The following SNED1 variants were observed in gnomAD, a reference collection of about 807,000 sequenced individuals.
SNED1 encodes sushi, nidogen and EGF-like domain-containing protein 1.
Under a neutral mutation model 166.7 loss-of-function variants are expected in SNED1, and 81 were observed. The ratio of observed to expected loss-of-function variants is 0.49; its 90% CI spans 0.41 to 0.58. The LOEUF (loss-of-function observed/expected upper bound fraction) is 0.58, where lower values mean the gene tolerates loss of function less well. Ranked by LOEUF, SNED1 falls within the 20% of genes least tolerant of loss-of-function variation. The pLI, the probability that SNED1 is intolerant of heterozygous loss-of-function variation, is 0.00. For missense variants in SNED1, 1,604 were observed against 2,000.2 expected, an observed-to-expected ratio of 0.80 and a Z score of 3.78; for synonymous variants, 762 against 822.0, an observed-to-expected ratio of 0.93 and a Z score of 1.25.
chr2:241,047,146 CAAAAAAAA>C (rs59981303), intron 8 of SNED1, among the ~76,000 whole-genome samples: 9 of 68,176 alleles, frequency 1.3e-4, no homozygotes, highest in Non-Finnish European at 2.4e-4. Context: ...GAGACTCTGT[CAAAAAAAA>C]AAAAAAAAAA....
At chr2:241,045,548 TGATA>T (rs768024782) in intron 8 of SNED1, among the ~76,000 whole-genome samples, 96 of 151,960 alleles carry the variant, frequency 6.3e-4, no homozygotes, top group Non-Finnish European at 1.1e-3. Context: ...AATGGAGAAA[TGATA>T]ATCTTTTCAA....
At chr2:241,057,414 C>T (rs1189213014) in intron 16 of SNED1, among the ~76,000 whole-genome samples, 1 of 100,544 alleles carries the variant, frequency 9.9e-6, no homozygotes, top group Non-Finnish European at 1.8e-5. Context: ...TATATATATG[C>T]CATACGCAGT....
intron 1 of SNED1, among the ~76,000 whole-genome samples, chr2:241,012,936 C>A (rs1416094116): frequency 6.6e-6 from 1 of 151,452 alleles, no homozygotes; most frequent in Non-Finnish European, 1.5e-5. Context: ...CCTGGGTTCA[C>A]GCCATCCTCC....
chr2:241,084,867 T>G (rs1559313599), intron 29 of SNED1, among the ~76,000 whole-genome samples: 1 of 152,194 alleles, frequency 6.6e-6, no homozygotes, highest in African/African-American at 2.4e-5. Context: ...TCACCTTCAT[T>G]TTTGAAGAAT....
At position 241,094,487 on chromosome 2, in the gene SNED1, A is replaced by G. The variant is rs1027829391; in HGVS notation, c.*2851A>G. On this transcript the variant is annotated 3_prime_UTR_variant, in exon 32 of 32. Coordinates refer to ENST00000310397, the MANE Select transcript of SNED1 (RefSeq NM_001080437.3). This position sits in a 1 kb window ranked among gnomAD's most constrained non-coding sequence, Gnocchi z 4.3. ...GTGCTGAATCCCCACAATTGCATGCAGCTCACACCTACCAGGGGTATTCCA... is the reference window on the plus strand; with the variant it reads ...GTGCTGAATCCCCACAATTGCATGCGGCTCACACCTACCAGGGGTATTCCA... 10 of 458,066 alleles carry G rather than the reference A, an allele frequency of 2.2e-5. No individual in the cohort carries two copies. The Admixed American group carries it at 2.4e-4, about 11-fold the overall frequency. 28.4% of individuals were successfully genotyped at this position (458,066 alleles called of 1,614,324 possible). A position where few individuals can be genotyped will look rare whatever the true frequency, so the allele number is the denominator to read the frequency against.
rs752480623 is a variant in SNED1, at chr2:241,071,738, C to T, written c.3734+18C>T. ...CCCCCCAGGTACATGCCCCACCCAT[C>T]GGCCCCATCGCCCGAGGCGGCGCTC... On this transcript the variant is annotated intron_variant, in intron 25 of 31. Transcript: ENST00000310397. The T allele has an allele frequency of 6.6e-6, 10 of 1,503,870 alleles. No individual in the cohort carries two copies. The highest frequency in any genetic ancestry group is 4.2e-5 in the African/African-American group (3 of 71,966). The allele number at this position is 1,503,870 out of a possible 1,614,324, so 93.2% of individuals were successfully genotyped here.
chr2:241,035,353 T>C (rs2061315652), intron 4 of SNED1, among the ~76,000 whole-genome samples: 2 of 151,932 alleles, frequency 1.3e-5, no homozygotes, highest in Admixed American at 6.5e-5. Context: ...ACGGGGTGGG[T>C]GTCCCTCCCA....
intron 26 of SNED1, chr2:241,072,145 G>T: frequency 2.9e-6 from 2 of 686,660 alleles, no homozygotes; most frequent in African/African-American, 1.8e-5. Flanking sequence ...CGCAAGAGAA[G>T]ATAAACATTT....
In SNED1 at chr2:241,051,022, C is replaced by T. The variant is rs143544044; in HGVS notation, c.1736-722C>T. ...GGGAGTACGGAAGGGACAAGGATGG[C>T]TGTCCTCAGGGGTGGGGCAGCCAGA... On this transcript the variant is annotated intron_variant, in intron 12 of 31. Transcript: ENST00000310397. The surrounding 1 kb of genome is among the most constrained non-coding windows in gnomAD (Gnocchi z 4.7). Among the ~76,000 whole-genome samples the T allele has an allele frequency of 4.8e-3, 731 of 152,316 alleles. 3 individuals are homozygous for T. The highest frequency in any genetic ancestry group is 0.017 in the African/African-American group (686 of 41,556).
At position 241,051,846 on chromosome 2, in the gene SNED1, G is replaced by C. The variant is rs1478576093; in HGVS notation, c.1838G>C (p.Arg613Thr). ...HCSCPYRFTG[R>T]HCEIGKPDSC... ...AGCTGCCCCTACCGCTTCACTGGGA[G>C]GCACTGTGAGATCGGTGCGGCCCCC... Residue 613 changes from arginine to threonine, a missense_variant, in exon 13 of 32, where the codon AGG (arginine) becomes ACG (threonine). Arg to Thr is a moderately conservative substitution (Grantham distance 71). Coordinates refer to ENST00000310397, the MANE Select transcript of SNED1 (RefSeq NM_001080437.3). This position sits in a 1 kb window ranked among gnomAD's most constrained non-coding sequence, Gnocchi z 4.7. 6.4e-7 allele frequency: 1 copy of C among 1,556,444 alleles called. No homozygotes were observed. The highest frequency in any genetic ancestry group is 8.7e-7 in the Non-Finnish European group (1 of 1,150,816).
At position 241,048,312 on chromosome 2, in the gene SNED1, CAGG is replaced by C; in HGVS notation, c.1274_1276del (p.Gly425del). ...CCGCTGGTGACTGCCGTCTTTCTTG[CAGG>C]AGACCATCCAGTGCCAGACGCCTGC... On this transcript the variant is annotated splice_acceptor_variant and coding_sequence_variant, in exon 9 of 32. Transcript: ENST00000310397. LOFTEE classifies it high-confidence loss of function. The C allele has an allele frequency of 6.3e-7, 1 of 1,595,092 alleles. No homozygotes were observed. Among genetic ancestry groups the C allele is most frequent in the Non-Finnish European group, 8.5e-7 (1 of 1,172,752 alleles).
At chr2:241,031,245 A>G (rs1574929474) in intron 2 of SNED1, among the ~76,000 whole-genome samples, 1 of 151,848 alleles carries the variant, frequency 6.6e-6, no homozygotes. Context: ...GCTCACTGCA[A>G]CCTCCACCTC....
chr2:241,030,280 C>T lies in SNED1; in HGVS notation c.214-4C>T, dbSNP rs966524410. Reference sequence around the variant, plus strand: ...AATCCCCGCTCTGGCTTTCTGCCTCCCAGGTGAACAACAACGGGATCATCT... The same window carrying T: ...AATCCCCGCTCTGGCTTTCTGCCTCTCAGGTGAACAACAACGGGATCATCT... On this transcript the variant is annotated splice_polypyrimidine_tract_variant and splice_region_variant and intron_variant, in intron 1 of 31. Transcript: ENST00000310397. 3.8e-6 allele frequency: 6 copies of T among 1,572,958 alleles called. No individual in the cohort carries two copies. Among genetic ancestry groups the T allele is most frequent in the Non-Finnish European group, 5.2e-6 (6 of 1,155,720 alleles).
At position 241,013,478 on chromosome 2, in the gene SNED1, C is replaced by T. The variant is rs75594389; in HGVS notation, c.213+14428C>T. On this transcript the variant is annotated intron_variant, in intron 1 of 31. Coordinates refer to ENST00000310397, the MANE Select transcript of SNED1 (RefSeq NM_001080437.3). This position sits in a 1 kb window ranked among gnomAD's most constrained non-coding sequence, Gnocchi z 4.6. ...GCCCTAGTAGCTGGGATTATAGGCA[C>T]GCACCACCACCTCCAGCTATATTTT... Among the ~76,000 whole-genome samples the T allele has an allele frequency of 0.24, 35,960 of 151,782 alleles. 4,544 individuals are homozygous for T. The highest frequency in any genetic ancestry group is 0.35 in the Admixed American group (5,350 of 15,250).
chr2:241,036,675 C>A, intron 4 of SNED1, 115 bp from the exon 5 acceptor site: 2 of 1,382,902 alleles, frequency 1.4e-6, no homozygotes, highest in South Asian at 1.3e-5. Flanking sequence ...GTCACCCGGG[C>A]ACCCAGAGGC....
chr2:241,065,024 G>C (rs563251796), intron 20 of SNED1, 67 bp downstream of exon 20: 2 of 1,227,226 alleles, frequency 1.6e-6, no homozygotes, highest in African/African-American at 3.1e-5. Flanking sequence ...AGGGCCCAAC[G>C]GTCTCCAAGG....
intron 1 of SNED1, among the ~76,000 whole-genome samples, chr2:241,024,191 T>G (rs1398664892): frequency 9.9e-5 from 15 of 150,848 alleles, no homozygotes; most frequent in Admixed American, 4.6e-4. Context: ...CTTATTCATT[T>G]TCATTCAATG....
Position 241,053,232 on chromosome 2 carries a change from G to GT in SNED1, c.2164dup (p.Tyr722LeufsTer4), listed in dbSNP as rs2061937139. On this transcript the variant is annotated frameshift_variant, in exon 16 of 32. Coordinates refer to ENST00000310397, the MANE Select transcript of SNED1 (RefSeq NM_001080437.3). LOFTEE classifies it high-confidence loss of function. Reference sequence around the variant, plus strand: ...GCACGCGGCTGGGCGCGGTGGCCCTGTATGCATGTGACCGTGGCTACAGCC... The same window carrying GT: ...GCACGCGGCTGGGCGCGGTGGCCCTGTTATGCATGTGACCGTGGCTACAGCC... 1 of 1,609,080 alleles carries GT rather than the reference G, an allele frequency of 6.2e-7. No individual in the cohort carries two copies. The highest frequency in any genetic ancestry group is 1.3e-5 in the African/African-American group (1 of 74,902).
chr2:241,049,376 GGTATC>G (rs1403626932), intron 11 of SNED1, among the ~76,000 whole-genome samples: 1 of 152,148 alleles, frequency 6.6e-6, no homozygotes, highest in African/African-American at 2.4e-5. Context: ...AACACCATGT[GGTATC>G]TTACCTAAGC....
Sources: gnomAD v4.1 joint callset for allele counts (sites outside exome capture counted in the v4.1 genomes callset) on GRCh38, gnomAD v4.1.1 for gene constraint, Gnocchi (gnomAD v3.1) non-coding constraint, MANE v1.5 for transcripts, NCBI Gene and HGNC (gene_info 2026-07-23, HGNC 2026-07-21) for gene names.